Variants in SHISA6 observed in about 807,000 individuals in gnomAD.
SHISA6 encodes protein shisa-6.
In SHISA6, 22 loss-of-function variants were observed where a neutral mutation model predicts 47.9. That is an observed-to-expected ratio of 0.46 (90% CI 0.33 to 0.66). The LOEUF is 0.66. Among genes scored for constraint, SHISA6 ranks in the 30% least tolerant of loss-of-function variants. The pLI is 0.02. For synonymous variants in SHISA6, 388 were observed against 337.8 expected, an observed-to-expected ratio of 1.15 and a Z score of -1.63; for missense variants, 680 against 764.6, an observed-to-expected ratio of 0.89 and a Z score of 1.30.
intron 2 of SHISA6, among the ~76,000 whole-genome samples, chr17:11,365,042 A>C (rs1912398239): frequency 6.6e-6 from 1 of 152,172 alleles, no homozygotes; most frequent in Non-Finnish European, 1.5e-5. Context: ...AAGTTTCCTC[A>C]CCTATAATAC....
intron 2 of SHISA6, among the ~76,000 whole-genome samples, chr17:11,324,104 T>G (rs1910798254): frequency 6.6e-6 from 1 of 152,156 alleles, no homozygotes; most frequent in Non-Finnish European, 1.5e-5. Flanking sequence ...TTTCTAAGTT[T>G]CTGGCCCCAC....
At chr17:11,439,683 GCATTTAGTAGAACTTGA>G (rs1235418309) in intron 3 of SHISA6, among the ~76,000 whole-genome samples, 1 of 152,150 alleles carries the variant, frequency 6.6e-6, no homozygotes, top group African/African-American at 2.4e-5. Flanking sequence ...AAATTACCCT[GCATTTAGTAGAACTTGA>G]GAAACATAAG....
intron 3 of SHISA6, among the ~76,000 whole-genome samples, chr17:11,472,061 C>G (rs1380125831): frequency 6.6e-6 from 1 of 152,156 alleles, no homozygotes; most frequent in African/African-American, 2.4e-5. Context: ...AGTATTCTTA[C>G]TGCCCTAAGA....
At chr17:11,365,371 A>G (rs1912414451) in intron 2 of SHISA6, among the ~76,000 whole-genome samples, 2 of 152,114 alleles carry the variant, frequency 1.3e-5, no homozygotes, top group East Asian at 1.9e-4. Flanking sequence ...TCTGCCTCCC[A>G]GATTCAAGCG....
At chr17:11,316,326 G>T in intron 2 of SHISA6, among the ~76,000 whole-genome samples, 1 of 114,630 alleles carries the variant, frequency 8.7e-6, no homozygotes, top group Admixed American at 9.6e-5. Context: ...TTGATTTTCA[G>T]GTCTTTTTTT....
At chr17:11,470,176 C>A (rs1915903136) in intron 3 of SHISA6, among the ~76,000 whole-genome samples, 1 of 152,150 alleles carries the variant, frequency 6.6e-6, no homozygotes, top group Non-Finnish European at 1.5e-5. Flanking sequence ...GTTGTTTAGG[C>A]CTCCAGTCTG....
At chr17:11,470,929 G>A (rs1472592300) in intron 3 of SHISA6, among the ~76,000 whole-genome samples, 1 of 152,146 alleles carries the variant, frequency 6.6e-6, no homozygotes, top group African/African-American at 2.4e-5. Context: ...GAAGAAAGAG[G>A]CCGGGTGTGG....
At chr17:11,249,007 C>T (rs928473473) in intron 1 of SHISA6, among the ~76,000 whole-genome samples, 3 of 151,886 alleles carry the variant, frequency 2.0e-5, no homozygotes, top group African/African-American at 4.8e-5. Flanking sequence ...GGCTTGGTGG[C>T]GGCGCCTGTA....
At chr17:11,451,457 T>C (rs1915400903) in intron 3 of SHISA6, among the ~76,000 whole-genome samples, 1 of 152,114 alleles carries the variant, frequency 6.6e-6, no homozygotes, top group African/African-American at 2.4e-5. Context: ...TTACATTTAG[T>C]TGGGGGCGAC....
At chr17:11,437,135 C>T (rs1914963150) in intron 3 of SHISA6, among the ~76,000 whole-genome samples, 1 of 152,124 alleles carries the variant, frequency 6.6e-6, no homozygotes, top group Non-Finnish European at 1.5e-5. Flanking sequence ...GATTGCATTG[C>T]CAAGGTTGTT....
At chr17:11,349,378 G>T (rs1427145906) in intron 2 of SHISA6, among the ~76,000 whole-genome samples, 3 of 152,154 alleles carry the variant, frequency 2.0e-5, no homozygotes, top group Admixed American at 1.3e-4. Context: ...CAGATTCTAT[G>T]ATTTCAGAGT....
At position 11,559,157 on chromosome 17, in the gene SHISA6, T is replaced by TG. The variant is rs1391246897; in HGVS notation, c.*857dup. ...TAGCCTTCGCAGAGGGGAGTAGCAA[T>TG]GGGGTGCTGGCCCTCCCAGACACCC... is the stretch of plus-strand genomic sequence containing the variant. On this transcript the variant is annotated 3_prime_UTR_variant, in exon 6 of 6. Coordinates refer to ENST00000441885, the MANE Select transcript of SHISA6 (RefSeq NM_207386.4). The surrounding 1 kb of genome is among the most constrained non-coding windows in gnomAD (Gnocchi z 4.4). 6.5e-6 allele frequency: 1 copy of TG among 152,764 alleles called. No individual in the cohort carries two copies. Among genetic ancestry groups the TG allele is most frequent in the Non-Finnish European group, 1.5e-5 (1 of 68,476 alleles). 9.5% of individuals were successfully genotyped at this position (152,764 alleles called of 1,614,324 possible).
At chr17:11,344,646 T>C (rs557868846) in intron 2 of SHISA6, among the ~76,000 whole-genome samples, 1 of 152,308 alleles carries the variant, frequency 6.6e-6, no homozygotes, top group South Asian at 2.1e-4. Context: ...TTCAAAATGT[T>C]TTAATTAGCA....
intron 4 of SHISA6, among the ~76,000 whole-genome samples, chr17:11,554,244 T>C (rs1316524674): frequency 6.6e-6 from 1 of 152,190 alleles, no homozygotes; most frequent in African/African-American, 2.4e-5. Flanking sequence ...GCATCTGTCC[T>C]GATGCATGCC....
intron 3 of SHISA6, among the ~76,000 whole-genome samples, chr17:11,401,522 TAGA>T (rs1330972483): frequency 1.3e-5 from 2 of 152,206 alleles, no homozygotes; most frequent in African/African-American, 4.8e-5. Flanking sequence ...ACTCTGATTT[TAGA>T]AGGAGTTTTT....
At chr17:11,530,054 A>G (rs2071719330) in intron 3 of SHISA6, among the ~76,000 whole-genome samples, 1 of 152,152 alleles carries the variant, frequency 6.6e-6, no homozygotes, top group Non-Finnish European at 1.5e-5. Flanking sequence ...GTGAGGGGAA[A>G]TGGGCACAGT....
At chr17:11,522,912 C>G (rs2142364297) in intron 3 of SHISA6, among the ~76,000 whole-genome samples, 1 of 152,328 alleles carries the variant, frequency 6.6e-6, no homozygotes, top group East Asian at 1.9e-4. Flanking sequence ...TTTGCCTTCC[C>G]AAGTTTCCAG....
At chr17:11,253,050 A>G (rs1181545273) in intron 1 of SHISA6, among the ~76,000 whole-genome samples, 1 of 152,194 alleles carries the variant, frequency 6.6e-6, no homozygotes, top group Non-Finnish European at 1.5e-5. Context: ...CGGGCTTTTG[A>G]GCCGAGGATC....
intron 3 of SHISA6, among the ~76,000 whole-genome samples, chr17:11,535,318 T>C (rs1228860578): frequency 6.6e-6 from 1 of 152,118 alleles, no homozygotes; most frequent in Non-Finnish European, 1.5e-5. Context: ...GTCTTGTGTG[T>C]CTAACCAACT....
Sources: allele counts gnomAD v4.1 joint callset (sites outside exome capture counted in the v4.1 genomes callset), GRCh38; gene constraint gnomAD v4.1.1; non-coding constraint Gnocchi (gnomAD v3.1); transcripts MANE v1.5; gene names NCBI Gene and HGNC (gene_info 2026-07-23, HGNC 2026-07-21).